Variants in UGT1A4 observed in about 807,000 individuals in gnomAD.
UGT1A4 encodes UDP glucuronosyltransferase family 1 member A4.
In UGT1A4, 32 loss-of-function variants were observed where a neutral mutation model predicts 41.1. That is an observed-to-expected ratio of 0.78 (90% CI 0.59 to 1.05). The LOEUF (loss-of-function observed/expected upper bound fraction) is 1.05, where lower values mean the gene tolerates loss of function less well. Ranked by LOEUF, UGT1A4 falls within the 50% of genes least tolerant of loss-of-function variation. UGT1A4 has a pLI of 0.00. For synonymous variants in UGT1A4, 283 were observed against 265.1 expected (o/e 1.07, Z -0.66); for missense variants, 748 against 677.4 (o/e 1.10, Z -1.16).
chr2:233,746,462 G>C (rs1030213757), intron 1 of UGT1A4, among the ~76,000 whole-genome samples: 10 of 151,612 alleles, frequency 6.6e-5, no homozygotes, highest in Admixed American at 3.9e-4. Context: ...CCTTCAAAAG[G>C]GTTCCAGAAA....
At chr2:233,739,018 C>T (rs1339173846) in intron 1 of UGT1A4, 1 of 152,272 alleles carries the variant, frequency 6.6e-6, no homozygotes, top group Non-Finnish European at 1.5e-5. Flanking sequence ...TGGCTCCAGC[C>T]ATGGCTAAAA....
At chr2:233,734,548 T>C (rs1157329537) in intron 1 of UGT1A4, among the ~76,000 whole-genome samples, 1 of 152,212 alleles carries the variant, frequency 6.6e-6, no homozygotes, top group Non-Finnish European at 1.5e-5. Context: ...TTTCTTCCCT[T>C]CTGCTAGCTT....
At chr2:233,749,910 C>A (rs1694301201) in intron 1 of UGT1A4, among the ~76,000 whole-genome samples, 1 of 151,934 alleles carries the variant, frequency 6.6e-6, no homozygotes, top group South Asian at 2.1e-4. Context: ...CCACCTGGAA[C>A]TGTGAGTCAA....
intron 1 of UGT1A4, among the ~76,000 whole-genome samples, chr2:233,728,046 T>C (rs537522155): frequency 1.8e-4 from 28 of 152,360 alleles, no homozygotes; most frequent in Admixed American, 3.9e-4. Flanking sequence ...ATAAGCCTCA[T>C]TGGGCTTGAG....
At position 233,729,401 on chromosome 2, in the gene UGT1A4, A is replaced by T. The variant is rs1464724125; in HGVS notation, c.867+9714A>T. Reference sequence around the variant, plus strand: ...TGGACCCAGGATGAATTTGATCGCCATGTGCTGGGCCACACTCAACTGTAC... The same window carrying T: ...TGGACCCAGGATGAATTTGATCGCCTTGTGCTGGGCCACACTCAACTGTAC... On this transcript the variant is annotated intron_variant, in intron 1 of 4. Coordinates refer to ENST00000373409, the MANE Select transcript of UGT1A4 (RefSeq NM_007120.3). 4.3e-6 allele frequency: 7 copies of T among 1,613,850 alleles called. No individual in the cohort carries two copies. Among genetic ancestry groups the T allele is most frequent in the East Asian group, 2.2e-5 (1 of 44,882 alleles).
intron 2 of UGT1A4, among the ~76,000 whole-genome samples, chr2:233,767,645 G>A (rs193254313): frequency 6.6e-5 from 10 of 152,224 alleles, no homozygotes; most frequent in South Asian, 2.1e-4. Context: ...ACAAATTCAC[G>A]TAGTGCATAC....
chr2:233,760,189 G>A lies in UGT1A4; in HGVS notation c.868-6845G>A, dbSNP rs774584406. On this transcript the variant is annotated intron_variant, in intron 1 of 4. Transcript: ENST00000373409. ...TGGACTGACAGCTTTTTATAGTCACGTGACACAGTCAAACATTAACTTGGT... is the reference window on the plus strand; with the variant it reads ...TGGACTGACAGCTTTTTATAGTCACATGACACAGTCAAACATTAACTTGGT... 2.2e-5 allele frequency: 35 copies of A among 1,566,148 alleles called. No individual in the cohort carries two copies. In the South Asian group the frequency reaches 3.1e-4, roughly 14 times the overall value.
intron 1 of UGT1A4, among the ~76,000 whole-genome samples, chr2:233,748,751 T>C (rs1228762220): frequency 1.3e-5 from 2 of 151,458 alleles, no homozygotes; most frequent in Admixed American, 6.6e-5. Flanking sequence ...TCGGAAGGCA[T>C]AGTTTTGGTT....
chr2:233,735,900 C>T (rs1272408320), intron 1 of UGT1A4, among the ~76,000 whole-genome samples: 5 of 152,014 alleles, frequency 3.3e-5, no homozygotes, highest in African/African-American at 9.7e-5. Flanking sequence ...GATGGGCTTC[C>T]CTTTGTGGGT....
chr2:233,751,271 T>G (rs1694686966), intron 1 of UGT1A4, among the ~76,000 whole-genome samples: 2 of 151,964 alleles, frequency 1.3e-5, no homozygotes, highest in African/African-American at 4.9e-5. Flanking sequence ...CCCCTTTTTT[T>G]GGCCAGTTTC....
chr2:233,733,810 C>G (rs1191678424), intron 1 of UGT1A4, among the ~76,000 whole-genome samples: 1 of 152,078 alleles, frequency 6.6e-6, no homozygotes, highest in Non-Finnish European at 1.5e-5. Flanking sequence ...CAGGATGATG[C>G]TGGCCTCATA....
intron 1 of UGT1A4, chr2:233,755,261 G>C (rs1442150755): frequency 1.2e-6 from 1 of 807,566 alleles, no homozygotes; most frequent in African/African-American, 1.7e-5. Flanking sequence ...CCTCGTAGTA[G>C]TCCACTATGC....
chr2:233,727,363 C>T (rs2077609679), intron 1 of UGT1A4, among the ~76,000 whole-genome samples: 1 of 152,076 alleles, frequency 6.6e-6, no homozygotes, highest in Non-Finnish European at 1.5e-5. Flanking sequence ...TCCTTAGGGC[C>T]CCTAGGTCTC....
At position 233,772,686 on chromosome 2, in the gene UGT1A4, C is replaced by T. The variant is rs1700541749; in HGVS notation, c.*127C>T. The T allele has an allele frequency of 2.0e-6, 3 of 1,495,122 alleles. No individual in the cohort carries two copies. The highest frequency in any genetic ancestry group is 2.4e-5 in the Admixed American group (1 of 41,056). 92.6% of individuals were successfully genotyped at this position (1,495,122 alleles called of 1,614,324 possible). A position where few individuals can be genotyped will look rare whatever the true frequency, so the allele number is the denominator to read the frequency against. On this transcript the variant is annotated 3_prime_UTR_variant, in exon 5 of 5. Coordinates refer to ENST00000373409, the MANE Select transcript of UGT1A4 (RefSeq NM_007120.3). ...ATACTTTGCATAAATTAATCAGCCCCAGAGTGCTTTAAAAAATTCTCTTAA... is the reference window on the plus strand; with the variant it reads ...ATACTTTGCATAAATTAATCAGCCCTAGAGTGCTTTAAAAAATTCTCTTAA...
At chr2:233,727,509 T>C (rs1200856091) in intron 1 of UGT1A4, among the ~76,000 whole-genome samples, 9 of 152,132 alleles carry the variant, frequency 5.9e-5, no homozygotes, top group Non-Finnish European at 1.3e-4. Context: ...AGCCCATGAA[T>C]GTGGGAAGAG....
rs188914242 is a variant in UGT1A4 at position 233,719,098 on chromosome 2, C to A, written c.278C>A (p.Thr93Lys). 6.2e-7 allele frequency: 1 copy of A among 1,614,122 alleles called. No homozygotes were observed. The highest frequency in any genetic ancestry group is 8.5e-7 in the Non-Finnish European group (1 of 1,180,056). ...PWTQKEFDRV[T>K]LGYTQGFFET... Reference sequence around the variant, plus strand: ...ACCCAGAAGGAATTTGATCGCGTTACGCTGGGCTACACTCAAGGGTTCTTT... The same window carrying A: ...ACCCAGAAGGAATTTGATCGCGTTAAGCTGGGCTACACTCAAGGGTTCTTT... The change falls in exon 1 of 5, where the codon ACG becomes AAG. Residue 93 changes from threonine to lysine, a missense_variant. Thr to Lys is a moderately conservative substitution (Grantham distance 78). Transcript: ENST00000373409.
chr2:233,719,808 A>G (rs2125672153), intron 1 of UGT1A4, 121 bp downstream of exon 1: 1 of 1,592,844 alleles, frequency 6.3e-7, no homozygotes, highest in Non-Finnish European at 8.5e-7. Context: ...TGGCTTCTTT[A>G]TAACAGATAA....
At chr2:233,760,058 T>C (rs749323547) in intron 1 of UGT1A4, among the ~76,000 whole-genome samples, 16 of 152,188 alleles carry the variant, frequency 1.1e-4, no homozygotes, top group Non-Finnish European at 2.1e-4. Context: ...CTCAAGAATG[T>C]GATTTGAGTA....
Position 233,752,763 on chromosome 2 carries a change from A to C in UGT1A4, c.868-14271A>C, listed in dbSNP as rs182475075. Among the ~76,000 whole-genome samples, 215 of 152,376 alleles carry C rather than the reference A, an allele frequency of 1.4e-3. 1 individual carries two copies. Among genetic ancestry groups the C allele is most frequent in the African/African-American group, 4.9e-3 (204 of 41,592 alleles). On this transcript the variant is annotated intron_variant, in intron 1 of 4. Coordinates refer to ENST00000373409, the MANE Select transcript of UGT1A4 (RefSeq NM_007120.3). Reference sequence around the variant, plus strand: ...CTGTCTCTAAAACAAACAAACAAACAAACAAACAATAACCAAACAAGCTTT... The same window carrying C: ...CTGTCTCTAAAACAAACAAACAAACCAACAAACAATAACCAAACAAGCTTT...
Sources: allele counts gnomAD v4.1 joint callset (sites outside exome capture counted in the v4.1 genomes callset), GRCh38; gene constraint gnomAD v4.1.1; transcripts MANE v1.5; gene names NCBI Gene and HGNC (gene_info 2026-07-23, HGNC 2026-07-21).